The following TLK1 variants were observed in gnomAD, a reference collection of about 807,000 sequenced individuals.
The protein encoded by TLK1 is serine/threonine-protein kinase tousled-like 1.
TLK1 carries 24 observed loss-of-function variants against 105.3 expected under a neutral mutation model. The observed-to-expected ratio is 0.23, with a 90% CI of 0.17 to 0.32. TLK1 has a LOEUF of 0.32. Ranked by LOEUF, TLK1 falls within the 10% of genes least tolerant of loss-of-function variation. The pLI is 1.00. For synonymous variants in TLK1, 321 were observed against 310.4 expected (o/e 1.03, Z -0.36); for missense variants, 558 against 910.5 (o/e 0.61, Z 4.98).
intron 18 of TLK1, among the ~76,000 whole-genome samples, chr2:170,998,110 C>CACCT (rs1553602791): frequency 6.8e-6 from 1 of 147,746 alleles, no homozygotes; most frequent in Non-Finnish European, 1.5e-5. Context: ...ACCTACCTAC[C>CACCT]ACCTACCTAC....
intron 4 of TLK1, among the ~76,000 whole-genome samples, chr2:171,060,327 C>A (rs1011147432): frequency 6.6e-6 from 1 of 152,142 alleles, no homozygotes; most frequent in Non-Finnish European, 1.5e-5. Context: ...TCAGTGTAAA[C>A]TGAGATACAA....
chr2:171,054,763 G>C (rs1687414611), intron 7 of TLK1: 1 of 178,282 alleles, frequency 5.6e-6, no homozygotes. Flanking sequence ...ACAGTCAAAT[G>C]AGAGGCTTTA....
chr2:171,067,524 T>C (rs1016806565), intron 3 of TLK1, among the ~76,000 whole-genome samples: 3 of 152,150 alleles, frequency 2.0e-5, no homozygotes, highest in Admixed American at 6.5e-5. Flanking sequence ...AATTGACATG[T>C]TTACATTAAC....
intron 11 of TLK1, among the ~76,000 whole-genome samples, chr2:171,034,600 GATT>G (rs1490304918): frequency 6.6e-6 from 1 of 152,186 alleles, no homozygotes; most frequent in Non-Finnish European, 1.5e-5. Context: ...GCTAGGGAGT[GATT>G]ACTTAACGTG....
rs970508360 is a variant in TLK1 at position 171,049,616 on chromosome 2, T to C, written c.980+198A>G. 4.6e-5 allele frequency among the ~76,000 whole-genome samples: 7 copies of C among 152,232 alleles called. No homozygotes were observed. The South Asian group carries it at 1.0e-3, about 23-fold the overall frequency. On this transcript the variant is annotated intron_variant, in intron 10 of 20. Coordinates refer to ENST00000431350, the MANE Select transcript of TLK1 (RefSeq NM_012290.5). ...AATTAGAATAATATATTACATTCTATAGATGACTGCTAATTAATCAAGAAA... is the reference window on the plus strand; with the variant it reads ...AATTAGAATAATATATTACATTCTACAGATGACTGCTAATTAATCAAGAAA...
intron 1 of TLK1, among the ~76,000 whole-genome samples, chr2:171,166,392 T>C (rs2105299621): frequency 1.3e-5 from 2 of 152,328 alleles, no homozygotes; most frequent in Admixed American, 1.3e-4. Flanking sequence ...GCTAACCTGC[T>C]CATAAACATC....
In TLK1 at chr2:170,991,262, GAC is replaced by G. The variant is rs1472235383; in HGVS notation, c.*2516_*2517del. ...AGGACATGCTTTAATTCTGAGGACA[GAC>G]ACCAGGAGACCAGAAAACAATAAAA... On this transcript the variant is annotated 3_prime_UTR_variant, in exon 21 of 21. Coordinates refer to ENST00000431350, the MANE Select transcript of TLK1 (RefSeq NM_012290.5). The G allele has an allele frequency of 1.3e-5, 2 of 152,140 alleles. No individual in the cohort carries two copies. Among genetic ancestry groups the G allele is most frequent in the Non-Finnish European group, 2.9e-5 (2 of 68,026 alleles). The allele number at this position is 152,140 out of a possible 1,614,324, so 9.4% of individuals were successfully genotyped here.
At chr2:171,023,414 TACACACACACAC>T (rs140384482) in intron 12 of TLK1, among the ~76,000 whole-genome samples, 2 of 147,540 alleles carry the variant, frequency 1.4e-5, no homozygotes, top group Non-Finnish European at 3.0e-5. Context: ...CACTCACACA[TACACACACACAC>T]ACACACACAC....
chr2:171,110,041 C>G (rs950720035), intron 2 of TLK1, among the ~76,000 whole-genome samples: 1 of 152,144 alleles, frequency 6.6e-6, no homozygotes, highest in Non-Finnish European at 1.5e-5. Context: ...TGGAAGTGTT[C>G]TATATTTTGT....
intron 1 of TLK1, among the ~76,000 whole-genome samples, chr2:171,196,830 C>T (rs1473501735): frequency 6.6e-6 from 1 of 152,212 alleles, no homozygotes; most frequent in Non-Finnish European, 1.5e-5. Context: ...TTCCATCAAA[C>T]TTAAGCATTA....
intron 2 of TLK1, among the ~76,000 whole-genome samples, chr2:171,097,986 G>C (rs867290827): frequency 1.3e-5 from 2 of 151,914 alleles, no homozygotes; most frequent in South Asian, 2.1e-4. Context: ...GAGAGAAAGA[G>C]AGAGAAAGAA....
chr2:171,075,521 G>C lies in TLK1; in HGVS notation c.330+7260C>G, dbSNP rs577193828. Among the ~76,000 whole-genome samples the C allele has an allele frequency of 3.9e-5, 6 of 152,204 alleles. No individual in the cohort carries two copies. The South Asian group carries it at 1.2e-3, about 32-fold the overall frequency. On this transcript the variant is annotated intron_variant, in intron 3 of 20. Transcript: ENST00000431350. ...AAAGATGAATATTAAGGATTAAATT[G>C]AGAAAAACAGAATAATTTGATATAT... is the stretch of plus-strand genomic sequence containing the variant.
intron 2 of TLK1, among the ~76,000 whole-genome samples, 156 bp downstream of exon 2, chr2:171,117,583 C>T (rs569147357): frequency 6.6e-6 from 1 of 152,258 alleles, no homozygotes; most frequent in African/African-American, 2.4e-5. Context: ...ATATGGTATA[C>T]TACATTAAAA....
In TLK1 at chr2:171,171,453, G is replaced by T. The variant is rs201339250; in HGVS notation, c.-5-53596C>A. Among the ~76,000 whole-genome samples the T allele has an allele frequency of 1.5e-3, 212 of 145,710 alleles. 1 individual carries two copies. Among genetic ancestry groups the T allele is most frequent in the Non-Finnish European group, 2.6e-3 (177 of 67,068 alleles). On this transcript the variant is annotated intron_variant, in intron 1 of 20. Transcript: ENST00000521943. ...GGAGGCAGAGGCAGGAAGATTGAAA[G>T]TTCAAGATCAGTCTGGGCAAAATAG...
Position 171,160,249 on chromosome 2 carries a change from A to T in TLK1, c.139+41T>A. ...GGGGCGCGGGGGTCCGCGGCGCGGG[A>T]GAGGAGGCCCGCGAGCGGGCGCGGG... On this transcript the variant is annotated intron_variant, in intron 1 of 20. Coordinates refer to ENST00000431350, the MANE Select transcript of TLK1 (RefSeq NM_012290.5). The surrounding 1 kb of genome is among the most constrained non-coding windows in gnomAD (Gnocchi z 4.4). 7.4e-7 allele frequency: 1 copy of T among 1,352,940 alleles called. No homozygotes were observed. Among genetic ancestry groups the T allele is most frequent in the Non-Finnish European group, 9.7e-7 (1 of 1,035,256 alleles). 83.8% of individuals were successfully genotyped at this position (1,352,940 alleles called of 1,614,324 possible). A position where few individuals can be genotyped will look rare whatever the true frequency, so the allele number is the denominator to read the frequency against.
chr2:171,180,903 G>T (rs542439134), intron 1 of TLK1, among the ~76,000 whole-genome samples: 2 of 150,120 alleles, frequency 1.3e-5, no homozygotes, highest in East Asian at 3.9e-4. Context: ...AAAACTATAG[G>T]TCTAATGCAA....
At chr2:171,136,708 T>C (rs937156587) in intron 1 of TLK1, among the ~76,000 whole-genome samples, 2 of 152,250 alleles carry the variant, frequency 1.3e-5, no homozygotes, top group African/African-American at 2.4e-5. Context: ...TTGACTTTTC[T>C]TGATCTATGA....
chr2:171,067,184 G>C (rs1688039856), intron 3 of TLK1, among the ~76,000 whole-genome samples: 1 of 139,270 alleles, frequency 7.2e-6, no homozygotes, highest in Non-Finnish European at 1.5e-5. Flanking sequence ...TTCTGAGACA[G>C]AGTCTCACAC....
chr2:171,187,157 C>T (rs573294140), intron 1 of TLK1, among the ~76,000 whole-genome samples: 1 of 150,394 alleles, frequency 6.6e-6, no homozygotes, highest in Non-Finnish European at 1.5e-5. Flanking sequence ...TTGGTTGGTC[C>T]AGGTAAGAGT....
Sources: allele counts gnomAD v4.1 joint callset (sites outside exome capture counted in the v4.1 genomes callset), GRCh38; gene constraint gnomAD v4.1.1; non-coding constraint Gnocchi (gnomAD v3.1); transcripts MANE v1.5; gene names NCBI Gene and HGNC (gene_info 2026-07-23, HGNC 2026-07-21).